The following FLCN variants were observed in gnomAD, a reference collection of about 807,000 sequenced individuals.
The protein encoded by FLCN is BHD skin lesion fibrofolliculoma protein.
Under a neutral mutation model 62.5 loss-of-function variants are expected in FLCN, and 22 were observed. The observed-to-expected ratio is 0.35, with a 90% confidence interval of 0.25 to 0.50. FLCN has a LOEUF of 0.50. FLCN is among the 20% of genes least tolerant of loss of function. The probability of loss-of-function intolerance (pLI) is 0.97; values close to 1 mark genes in which losing one functional copy is unlikely to be tolerated. For synonymous variants in FLCN, 319 were observed against 310.0 expected, an observed-to-expected ratio of 1.03 and a Z score of -0.30; for missense variants, 657 against 778.0, an observed-to-expected ratio of 0.84 and a Z score of 1.85.
In FLCN at chr17:17,212,853, T is replaced by G. The variant is rs963455195; in HGVS notation, c.*802A>C. 1 of 229,866 alleles carries G rather than the reference T, an allele frequency of 4.4e-6. No homozygotes were observed. The highest frequency in any genetic ancestry group is 2.2e-5 in the African/African-American group (1 of 45,082). 14.2% of individuals were successfully genotyped at this position (229,866 alleles called of 1,614,324 possible). A position where few individuals can be genotyped will look rare whatever the true frequency, so the allele number is the denominator to read the frequency against. ...ACCACACTCCGAAAATAGTTAACTGTAACCAAACGTAAATGTTGAAAGCAG... is the reference window on the plus strand; with the variant it reads ...ACCACACTCCGAAAATAGTTAACTGGAACCAAACGTAAATGTTGAAAGCAG... On this transcript the variant is annotated 3_prime_UTR_variant, in exon 14 of 14. Coordinates refer to ENST00000285071, the MANE Select transcript of FLCN (RefSeq NM_144997.7).
In FLCN at chr17:17,224,136, G is replaced by C. The variant is rs1490236729; in HGVS notation, c.404C>G (p.Pro135Arg). The part of the protein sequence containing the change: ...CVRSLSCEVC[P>R]GREGPIFFGD... ...GAAGAAGATGGGGCCTTCACGGCCA[G>C]GGCAGACCTGGAGGGACACCGGCGA... The change falls in exon 6 of 14, where the codon CCT becomes CGT. Residue 135 changes from proline (P) to arginine (R), a missense_variant. Physicochemically the swap from Pro to Arg is moderately radical, Grantham distance 103 (BLOSUM62 -2). Coordinates refer to ENST00000285071, the MANE Select transcript of FLCN (RefSeq NM_144997.7). 8.2e-6 allele frequency: 13 copies of C among 1,586,462 alleles called. No homozygotes were observed. Among genetic ancestry groups the C allele is most frequent in the African/African-American group, 1.3e-5 (1 of 74,564 alleles).
chr17:17,230,842 G>C (rs889373191), intron 3 of FLCN, among the ~76,000 whole-genome samples: 1 of 151,984 alleles, frequency 6.6e-6, no homozygotes, highest in African/African-American at 2.4e-5. Flanking sequence ...GCAGTGAGCT[G>C]AGATCGTACT....
chr17:17,234,360 C>A (rs905138471), intron 1 of FLCN, among the ~76,000 whole-genome samples: 73 of 151,284 alleles, frequency 4.8e-4, no homozygotes, highest in Non-Finnish European at 1.6e-4. Flanking sequence ...TATGGCCGTG[C>A]GCCACCAGGA....
intron 8 of FLCN, chr17:17,219,703 G>T: frequency 6.3e-6 from 1 of 159,716 alleles, no homozygotes; most frequent in South Asian, 1.7e-4. Flanking sequence ...CCAAGTAGCT[G>T]GGACTACAGG....
chr17:17,229,807 G>A (rs1613416), intron 3 of FLCN, among the ~76,000 whole-genome samples: 78,725 of 151,950 alleles, frequency 0.52, 21,330 homozygotes, highest in East Asian at 0.62. Flanking sequence ...GAGAGTTTCC[G>A]TGGCAGAGCC....
At chr17:17,237,169 G>T (rs1054526354), upstream of FLCN, 1 of 152,208 alleles carries the variant, frequency 6.6e-6, no homozygotes. Context: ...CAGCCCCGCC[G>T]ACACCCAGGC....
rs756807584 is a variant in FLCN at position 17,223,959 on chromosome 17, C to T, written c.581G>A (p.Arg194Gln). The T allele has an allele frequency of 1.3e-5, 21 of 1,613,360 alleles. No homozygotes were observed. Among genetic ancestry groups the T allele is most frequent in the Non-Finnish European group, 1.6e-5 (19 of 1,180,052 alleles). ...NSWPFLLGKV[R>Q]GIIDELQGKA... ...GCCCTGGAGCTCATCGATGATTCCC[C>T]GGACCTTCCCCAGCAGGAAGGGCCA... The change falls in exon 6 of 14, where the codon CGG becomes CAG. Residue 194 changes from arginine (R) to glutamine (Q), a missense_variant. Transcript: ENST00000285071.
At chr17:17,224,198 C>T in intron 5 of FLCN, 55 bp from the exon 6 acceptor site, 4 of 1,479,376 alleles carry the variant, frequency 2.7e-6, no homozygotes, top group Non-Finnish European at 3.7e-6. Flanking sequence ...GACACCAAAT[C>T]AAAGCCTCTT....
rs760707970 is a variant in FLCN, at chr17:17,216,834, T to G, written c.1176+235A>C. ...AAGCTTTTACCAAGACTGTGTCATA[T>G]GCATTTTTGTTCCCTCTCAGGCCTG... On this transcript the variant is annotated intron_variant, in intron 10 of 13. Coordinates refer to ENST00000285071, the MANE Select transcript of FLCN (RefSeq NM_144997.7). The surrounding 1 kb of genome is among the most constrained non-coding windows in gnomAD (Gnocchi z 4.0). 3 of 614,862 alleles carry G rather than the reference T, an allele frequency of 4.9e-6. No homozygotes were observed. The highest frequency in any genetic ancestry group is 5.8e-6 in the Non-Finnish European group (2 of 344,128). The allele number at this position is 614,862 out of a possible 1,614,324, so 38.1% of individuals were successfully genotyped here.
At chr17:17,225,968 C>G (rs1399327162) in intron 5 of FLCN, 1 of 707,220 alleles carries the variant, frequency 1.4e-6, no homozygotes, top group Non-Finnish European at 2.6e-6. Flanking sequence ...AGCACTCAAT[C>G]AGAAAATGCT....
chr17:17,215,376 C>A, intron 11 of FLCN, 60 bp from the exon 12 acceptor site: 1 of 1,610,834 alleles, frequency 6.2e-7, no homozygotes, highest in Non-Finnish European at 8.5e-7. Flanking sequence ...CTCCCCTGCG[C>A]TAGCCCACCG....
chr17:17,223,281 C>T (rs1055085909), intron 6 of FLCN, among the ~76,000 whole-genome samples: 3 of 152,146 alleles, frequency 2.0e-5, no homozygotes, highest in African/African-American at 4.8e-5. Flanking sequence ...CTGGAAGAGA[C>T]GGGGTTTCTC....
chr17:17,212,472 C>CT lies in FLCN; in HGVS notation c.*1182dup, dbSNP rs199535675. On this transcript the variant is annotated 3_prime_UTR_variant, in exon 14 of 14. Coordinates refer to ENST00000285071, the MANE Select transcript of FLCN (RefSeq NM_144997.7). The stretch of plus-strand genomic sequence containing the variant: ...TGGACGACATAGCAAGATGCCATCT[C>CT]TTTAAAAAAAAAAAAAAAAAAAAAA... The CT allele has an allele frequency of 0.049, 4,286 of 87,286 alleles. 171 individuals carry two copies. Among genetic ancestry groups the CT allele is most frequent in the East Asian group, 0.1 (372 of 3,676 alleles). 5.4% of individuals were successfully genotyped at this position (87,286 alleles called of 1,614,324 possible). A position where few individuals can be genotyped will look rare whatever the true frequency, so the allele number is the denominator to read the frequency against.
At chr17:17,231,077 G>A (rs753266321) in intron 3 of FLCN, among the ~76,000 whole-genome samples, 1 of 151,862 alleles carries the variant, frequency 6.6e-6, no homozygotes, top group Non-Finnish European at 1.5e-5. Context: ...GCGCACACCT[G>A]TAGTCCCAGC....
chr17:17,215,766 G>C (rs1456470368), intron 11 of FLCN, among the ~76,000 whole-genome samples: 2 of 152,180 alleles, frequency 1.3e-5, no homozygotes, highest in Admixed American at 1.3e-4. Context: ...GACCCAGCCT[G>C]GGTGCTGATT....
In FLCN at chr17:17,213,175, T is replaced by G. The variant is rs146851795; in HGVS notation, c.*480A>C. 3.0e-6 allele frequency: 1 copy of G among 336,718 alleles called. No individual in the cohort carries two copies. Among genetic ancestry groups the G allele is most frequent in the African/African-American group, 2.0e-5 (1 of 48,986 alleles). The allele number at this position is 336,718 out of a possible 1,614,324, so 20.9% of individuals were successfully genotyped here. A position where few individuals can be genotyped will look rare whatever the true frequency, so the allele number is the denominator to read the frequency against. On this transcript the variant is annotated 3_prime_UTR_variant, in exon 14 of 14. Coordinates refer to ENST00000285071, the MANE Select transcript of FLCN (RefSeq NM_144997.7). ...ACTCAATCACTCAGTGACCAAGAGCTGGCAATGTACTGAATATTCACAACT... is the reference window on the plus strand; with the variant it reads ...ACTCAATCACTCAGTGACCAAGAGCGGGCAATGTACTGAATATTCACAACT...
intron 4 of FLCN, among the ~76,000 whole-genome samples, chr17:17,227,256 C>T (rs2047278664): frequency 6.6e-6 from 1 of 151,786 alleles, no homozygotes; most frequent in African/African-American, 2.4e-5. Context: ...ACACTAATTC[C>T]CGAGAGTTCA....
intron 7 of FLCN, among the ~76,000 whole-genome samples, chr17:17,221,919 A>G (rs1190764809): frequency 6.6e-6 from 1 of 152,144 alleles, no homozygotes; most frequent in Non-Finnish European, 1.5e-5. Context: ...GTGAGACAAA[A>G]GGTAAACTGC....
intron 4 of FLCN, 41 bp from the exon 5 acceptor site, chr17:17,226,363 C>T (rs762425214): frequency 1.2e-6 from 2 of 1,613,330 alleles, no homozygotes; most frequent in South Asian, 2.2e-5. Flanking sequence ...AGTTGGGAAG[C>T]AGGGCGACAA....
Sources: allele counts gnomAD v4.1 joint callset (sites outside exome capture counted in the v4.1 genomes callset), GRCh38; gene constraint gnomAD v4.1.1; non-coding constraint Gnocchi (gnomAD v3.1); transcripts MANE v1.5; gene names NCBI Gene and HGNC (gene_info 2026-07-23, HGNC 2026-07-21).